Variants in TANK observed in about 807,000 individuals in gnomAD.
TANK encodes the protein TRAF family member-associated NF-kappa-B activator.
Under a neutral mutation model 43.6 loss-of-function variants are expected in TANK, and 15 were observed. The ratio of observed to expected loss-of-function variants is 0.34; its 90% CI spans 0.23 to 0.53. TANK has a LOEUF of 0.53. Among genes scored for constraint, TANK ranks in the 20% least tolerant of loss-of-function variants. The pLI, the probability that TANK is intolerant of heterozygous loss-of-function variation, is 0.94. For synonymous variants in TANK, 162 were observed against 178.2 expected, an observed-to-expected ratio of 0.91 and a Z score of 0.73; for missense variants, 417 against 498.6, an observed-to-expected ratio of 0.84 and a Z score of 1.56.
chr2:161,143,467 T>C (rs1391645715), intron 1 of TANK, among the ~76,000 whole-genome samples: 1 of 152,090 alleles, frequency 6.6e-6, no homozygotes, highest in Admixed American at 6.6e-5. Context: ...TAAATAGCTC[T>C]TTTTATTTTG....
chr2:161,235,056 CG>C (rs1688114690), intron 7 of TANK, among the ~76,000 whole-genome samples: 1 of 151,970 alleles, frequency 6.6e-6, no homozygotes, highest in African/African-American at 2.4e-5. Flanking sequence ...CTGTTGTGAT[CG>C]AGTATTAAAA....
intron 1 of TANK, chr2:161,161,685 C>G: frequency 2.3e-6 from 1 of 440,590 alleles, no homozygotes; most frequent in East Asian, 4.4e-5. Context: ...ATATGTAGCT[C>G]TATTTTATTG....
At chr2:161,208,784 G>C (rs1686757278) in intron 4 of TANK, among the ~76,000 whole-genome samples, 1 of 152,152 alleles carries the variant, frequency 6.6e-6, no homozygotes. Flanking sequence ...CAAAGTAAGG[G>C]ATCTGAGAGA....
intron 6 of TANK, among the ~76,000 whole-genome samples, chr2:161,225,401 T>G (rs1408871642): frequency 6.6e-6 from 1 of 152,138 alleles, no homozygotes; most frequent in Non-Finnish European, 1.5e-5. Context: ...GAGTGCTAGT[T>G]GTGTTTAATG....
chr2:161,225,246 A>G (rs1401631413), intron 6 of TANK, among the ~76,000 whole-genome samples: 2 of 151,914 alleles, frequency 1.3e-5, no homozygotes, highest in African/African-American at 2.4e-5. Context: ...TTTTTAATTC[A>G]ATACAGAATC....
intron 6 of TANK, among the ~76,000 whole-genome samples, chr2:161,229,519 GA>G (rs1559010349): frequency 6.6e-6 from 1 of 152,160 alleles, no homozygotes; most frequent in Non-Finnish European, 1.5e-5. Context: ...AATCCAATAA[GA>G]AAGGATGGTA....
At chr2:161,174,258 A>G (rs151108000) in intron 1 of TANK, among the ~76,000 whole-genome samples, 199 of 152,184 alleles carry the variant, frequency 1.3e-3, no homozygotes, top group African/African-American at 4.6e-3. Context: ...TTTTCAGTCT[A>G]TTTAGTAAAG....
chr2:161,196,745 A>G (rs997361601), intron 2 of TANK, among the ~76,000 whole-genome samples: 3 of 152,036 alleles, frequency 2.0e-5, no homozygotes, highest in Admixed American at 6.5e-5. Context: ...AATCCCAGCT[A>G]CTCAGGAGAC....
chr2:161,232,599 T>C (rs1687973315), intron 7 of TANK: 5 of 1,015,130 alleles, frequency 4.9e-6, no homozygotes, highest in East Asian at 2.7e-5. Context: ...GTCTCAGTTA[T>C]AGTTGCTACT....
At chr2:161,206,306 G>A (rs1686650587) in intron 4 of TANK, among the ~76,000 whole-genome samples, 1 of 151,954 alleles carries the variant, frequency 6.6e-6, no homozygotes, top group African/African-American at 2.4e-5. Flanking sequence ...TTAGTGGGAC[G>A]ATACATATTT....
intron 1 of TANK, among the ~76,000 whole-genome samples, chr2:161,172,012 A>G (rs1001583696): frequency 6.6e-6 from 1 of 152,216 alleles, no homozygotes; most frequent in African/African-American, 2.4e-5. Flanking sequence ...GGTAGAGTAG[A>G]AGATACTTAA....
In TANK at chr2:161,152,184, A is replaced by G. The variant is rs190886573; in HGVS notation, c.-50+15121A>G. Among the ~76,000 whole-genome samples the G allele has an allele frequency of 1.2e-3, 187 of 152,284 alleles. 2 individuals carry two copies. The highest frequency in any genetic ancestry group is 4.4e-3 in the African/African-American group (181 of 41,584). ...CATATAGGAAATAAAAAGAGGAGTT[A>G]CAAACCAAAATACAATTATCCTAGC... On this transcript the variant is annotated intron_variant, in intron 1 of 7. Transcript: ENST00000259075.
At chr2:161,212,022 A>G (rs899945963) in intron 4 of TANK, 6 of 901,224 alleles carry the variant, frequency 6.7e-6, no homozygotes, top group Non-Finnish European at 8.0e-6. Context: ...CAATTTATTC[A>G]TTAAAAGTTC....
At chr2:161,152,183 TA>T (rs1684099175) in intron 1 of TANK, among the ~76,000 whole-genome samples, 1 of 152,152 alleles carries the variant, frequency 6.6e-6, no homozygotes, top group South Asian at 2.1e-4. Context: ...AAAGAGGAGT[TA>T]CAAACCAAAA....
At chr2:161,194,628 C>T (rs1686062154) in intron 2 of TANK, among the ~76,000 whole-genome samples, 1 of 152,062 alleles carries the variant, frequency 6.6e-6, no homozygotes, top group South Asian at 2.1e-4. Context: ...CGATAAGGAC[C>T]GTTTTGTTGT....
At chr2:161,192,263 A>G (rs1685950586) in intron 2 of TANK, among the ~76,000 whole-genome samples, 2 of 152,182 alleles carry the variant, frequency 1.3e-5, no homozygotes, top group Admixed American at 6.6e-5. Flanking sequence ...CTGAACTTAC[A>G]TATTCACCAT....
At chr2:161,161,156 A>C in intron 1 of TANK, 1 of 1,437,448 alleles carries the variant, frequency 7.0e-7, no homozygotes, top group African/African-American at 1.4e-5. Context: ...ACAGGCAAAA[A>C]AGCTGTGCTT....
intron 2 of TANK, among the ~76,000 whole-genome samples, chr2:161,191,948 C>A (rs1051221365): frequency 1.3e-5 from 2 of 151,990 alleles, no homozygotes; most frequent in African/African-American, 4.8e-5. Context: ...CCACCACGCC[C>A]AGCTAATTTT....
At chr2:161,199,331 C>A (rs574730707) in intron 2 of TANK, among the ~76,000 whole-genome samples, 1 of 150,358 alleles carries the variant, frequency 6.7e-6, no homozygotes, top group African/African-American at 2.4e-5. Context: ...GAGAATATTG[C>A]AATTAATTAT....
Sources: gnomAD v4.1 joint callset for allele counts (sites outside exome capture counted in the v4.1 genomes callset) on GRCh38, gnomAD v4.1.1 for gene constraint, MANE v1.5 for transcripts, NCBI Gene and HGNC (gene_info 2026-07-23, HGNC 2026-07-21) for gene names.